The following HNRNPLL variants were observed in gnomAD, a reference collection of about 807,000 sequenced individuals.
HNRNPLL encodes heterogeneous nuclear ribonucleoprotein L like.
In HNRNPLL, 25 loss-of-function variants were observed where a neutral mutation model predicts 67.1. The ratio of observed to expected loss-of-function variants is 0.37; its 90% CI spans 0.27 to 0.52. The LOEUF is 0.52. Among genes scored for constraint, HNRNPLL ranks in the 20% least tolerant of loss-of-function variants. The pLI is 0.90. For missense variants in HNRNPLL, 542 were observed against 673.9 expected (o/e 0.80, Z 2.17); for synonymous variants, 267 against 241.7 (o/e 1.10, Z -0.97).
Position 38,602,770 on chromosome 2 carries a change from G to C in HNRNPLL, c.-144C>G. 6.6e-7 allele frequency: 1 copy of C among 1,526,036 alleles called. No homozygotes were observed. The highest frequency in any genetic ancestry group is 8.8e-7 in the Non-Finnish European group (1 of 1,136,230). 94.5% of individuals were successfully genotyped at this position (1,526,036 alleles called of 1,614,324 possible). On this transcript the variant is annotated 5_prime_UTR_variant, in exon 1 of 13. Transcript: ENST00000449105. ...CCCGGCCGTCCGCGGGGACTGCGCGGCCAGGAGACTGGCGGCTGAGAAGCG... is the reference window on the plus strand; with the variant it reads ...CCCGGCCGTCCGCGGGGACTGCGCGCCCAGGAGACTGGCGGCTGAGAAGCG...
At chr2:38,578,672 A>G (rs1463384236) in intron 6 of HNRNPLL, among the ~76,000 whole-genome samples, 1 of 152,076 alleles carries the variant, frequency 6.6e-6, no homozygotes, top group Non-Finnish European at 1.5e-5. Context: ...TTCTCTTTAC[A>G]TCATCTCTGT....
At position 38,591,647 on chromosome 2, in the gene HNRNPLL, T is replaced by C; in HGVS notation, c.191A>G (p.Glu64Gly). ...AACTTTATGATGACTTCCACCTGCC[T>C]CCTAGCAAGAGAAAATAATTTCTAG... ...GGGGRSFSQP[E>G]AGGSHHKVSV... The change falls in exon 2 of 13, where the codon GAG (glutamate) becomes GGG (glycine). Residue 64 changes from glutamate to glycine, a missense_variant and splice_region_variant. Coordinates refer to ENST00000449105, the MANE Select transcript of HNRNPLL (RefSeq NM_138394.4). 1 of 1,598,000 alleles carries C rather than the reference T, an allele frequency of 6.3e-7. No homozygotes were observed. Among genetic ancestry groups the C allele is most frequent in the Middle Eastern group, 1.7e-4 (1 of 6,030 alleles).
chr2:38,597,222 T>C (rs1418533873), intron 1 of HNRNPLL, among the ~76,000 whole-genome samples: 2 of 152,172 alleles, frequency 1.3e-5, no homozygotes, highest in African/African-American at 4.8e-5. Flanking sequence ...TACATAATCT[T>C]TCAATTACCG....
intron 2 of HNRNPLL, among the ~76,000 whole-genome samples, chr2:38,589,658 T>C (rs770828139): frequency 6.6e-6 from 1 of 152,212 alleles, no homozygotes. Context: ...ATCAAAATTT[T>C]AGAGTCTAAA....
chr2:38,595,002 C>T (rs1482527098), intron 1 of HNRNPLL, among the ~76,000 whole-genome samples: 2 of 151,750 alleles, frequency 1.3e-5, no homozygotes, highest in Non-Finnish European at 2.9e-5. Context: ...ATTAGCCAGG[C>T]GTGGTGGCTC....
chr2:38,575,939 A>G lies in HNRNPLL; in HGVS notation c.874+1522T>C, dbSNP rs79494948. Among the ~76,000 whole-genome samples, 70 of 151,922 alleles carry G rather than the reference A, an allele frequency of 4.6e-4. 4 individuals carry two copies. In the East Asian group the frequency reaches 0.013, roughly 29 times the overall value. ...CTGCTTACTTCCCTAGAAAAGTGGA[A>G]CAAATTAACCTCAGATTAAATATCT... is the stretch of plus-strand genomic sequence containing the variant. On this transcript the variant is annotated intron_variant, in intron 7 of 12. Transcript: ENST00000449105.
chr2:38,564,524 G>A lies in HNRNPLL; in HGVS notation c.1574-287C>T, dbSNP rs368931712. 5.5e-4 allele frequency among the ~76,000 whole-genome samples: 83 copies of A among 149,676 alleles called. No individual in the cohort carries two copies. In the Middle Eastern group the frequency reaches 0.018, roughly 32 times the overall value. Reference sequence around the variant, plus strand: ...AGTCCCAGCTACTCAGGAGGCTGAGGCAGGAGAACTGCATGAACCTGGGAG... The same window carrying A: ...AGTCCCAGCTACTCAGGAGGCTGAGACAGGAGAACTGCATGAACCTGGGAG... On this transcript the variant is annotated intron_variant, in intron 12 of 12. Coordinates refer to ENST00000449105, the MANE Select transcript of HNRNPLL (RefSeq NM_138394.4).
chr2:38,592,946 T>TA (rs1186627742), intron 1 of HNRNPLL, among the ~76,000 whole-genome samples: 4 of 152,364 alleles, frequency 2.6e-5, no homozygotes, highest in African/African-American at 4.8e-5. Flanking sequence ...AATTTTTCTT[T>TA]ATTATAAAGA....
intron 2 of HNRNPLL, among the ~76,000 whole-genome samples, chr2:38,589,895 A>C (rs999359578): frequency 2.0e-5 from 3 of 152,012 alleles, no homozygotes; most frequent in Admixed American, 2.0e-4. Flanking sequence ...ACAGACACCC[A>C]CCTCTTTATA....
intron 9 of HNRNPLL, 95 bp downstream of exon 9, chr2:38,569,709 T>C (rs1665997642): frequency 4.6e-6 from 3 of 652,692 alleles, no homozygotes; most frequent in Non-Finnish European, 7.4e-6. Context: ...CTCAGTTACA[T>C]TAAAATATTC....
At chr2:38,600,372 T>C (rs976022142) in intron 1 of HNRNPLL, among the ~76,000 whole-genome samples, 2 of 152,158 alleles carry the variant, frequency 1.3e-5, no homozygotes, top group Admixed American at 1.3e-4. Flanking sequence ...TGTTTCAACC[T>C]TCATATTTTA....
intron 1 of HNRNPLL, among the ~76,000 whole-genome samples, chr2:38,592,328 C>T (rs34462852): frequency 0.12 from 18,590 of 152,148 alleles, 1,225 homozygotes; most frequent in African/African-American, 0.13. Flanking sequence ...CAAAAAGTTC[C>T]AATCAAAAAT....
intron 1 of HNRNPLL, 23 bp downstream of exon 1, chr2:38,602,415 A>C (rs924557865): frequency 6.5e-7 from 1 of 1,546,266 alleles, no homozygotes; most frequent in Non-Finnish European, 8.7e-7. Flanking sequence ...GGCACAGCGG[A>C]CAGGGGGGCC....
intron 4 of HNRNPLL, 89 bp downstream of exon 4, chr2:38,583,747 CAAAGT>C: frequency 1.9e-6 from 1 of 526,930 alleles, no homozygotes; most frequent in South Asian, 3.5e-5. Flanking sequence ...TGTGAGAGGA[CAAAGT>C]AAACACCACT....
chr2:38,595,272 TAAAA>T (rs70954734), intron 1 of HNRNPLL, among the ~76,000 whole-genome samples: 11 of 68,772 alleles, frequency 1.6e-4, no homozygotes, highest in Middle Eastern at 0.012. Context: ...AGACCTTGTC[TAAAA>T]AAAAAAAAAA....
intron 1 of HNRNPLL, among the ~76,000 whole-genome samples, chr2:38,598,375 C>G (rs548350063): frequency 6.6e-6 from 1 of 152,266 alleles, no homozygotes; most frequent in East Asian, 1.9e-4. Flanking sequence ...TGACATCATC[C>G]AAATCCCTGG....
At chr2:38,591,029 A>G (rs1666940445) in intron 2 of HNRNPLL, among the ~76,000 whole-genome samples, 1 of 152,194 alleles carries the variant, frequency 6.6e-6, no homozygotes, top group African/African-American at 2.4e-5. Flanking sequence ...ACTCAGCAAT[A>G]TGCACATGAA....
intron 7 of HNRNPLL, among the ~76,000 whole-genome samples, chr2:38,574,908 A>C (rs1456212168): frequency 6.6e-6 from 1 of 151,872 alleles, no homozygotes; most frequent in African/African-American, 2.4e-5. Flanking sequence ...TTCAAATATC[A>C]ATTATTCTTA....
chr2:38,577,855 A>C (rs1666358625), intron 6 of HNRNPLL: 1 of 475,538 alleles, frequency 2.1e-6, no homozygotes, highest in Non-Finnish European at 4.3e-6. Context: ...GACACTGTAC[A>C]GAAGTTTTTA....
Sources: allele counts gnomAD v4.1 joint callset (sites outside exome capture counted in the v4.1 genomes callset), GRCh38; gene constraint gnomAD v4.1.1; transcripts MANE v1.5; gene names NCBI Gene and HGNC (gene_info 2026-07-23, HGNC 2026-07-21).